GRM8: variants seen among roughly 807,000 people sequenced by gnomAD.
The protein encoded by GRM8 is metabotropic glutamate receptor 8.
Under a neutral mutation model 87.2 loss-of-function variants are expected in GRM8, and 47 were observed. That is an observed-to-expected ratio of 0.54 (90% CI 0.43 to 0.69). The LOEUF (loss-of-function observed/expected upper bound fraction) is 0.69. Ranked by LOEUF, GRM8 falls within the 30% of genes least tolerant of loss-of-function variation. The pLI is 0.00. For synonymous variants in GRM8, 396 were observed against 404.5 expected, an observed-to-expected ratio of 0.98 and a Z score of 0.25; for missense variants, 1,019 against 1,139.2, an observed-to-expected ratio of 0.89 and a Z score of 1.52.
intron 7 of GRM8, among the ~76,000 whole-genome samples, chr7:126,707,534 T>G (rs1810650603): frequency 6.6e-6 from 1 of 152,140 alleles, no homozygotes; most frequent in African/African-American, 2.4e-5. Context: ...TCCTATACTC[T>G]AGGTCTACGC....
chr7:126,987,448 T>A (rs931255528), intron 3 of GRM8, among the ~76,000 whole-genome samples: 1 of 151,754 alleles, frequency 6.6e-6, no homozygotes. Flanking sequence ...GTTCACAGTT[T>A]TTTTTTTTGT....
At chr7:126,734,262 C>A (rs1434231367) in intron 7 of GRM8, among the ~76,000 whole-genome samples, 2 of 151,770 alleles carry the variant, frequency 1.3e-5, no homozygotes, top group Non-Finnish European at 2.9e-5. Context: ...TAAAAAAATT[C>A]CAGTTAAGTG....
chr7:127,203,645 T>C (rs1795738678), intron 2 of GRM8, among the ~76,000 whole-genome samples: 1 of 151,662 alleles, frequency 6.6e-6, no homozygotes, highest in African/African-American at 2.4e-5. Context: ...GAAGTGGAGG[T>C]TGCAGTGATC....
chr7:126,708,959 A>C (rs1410274308), intron 7 of GRM8, among the ~76,000 whole-genome samples: 1 of 152,180 alleles, frequency 6.6e-6, no homozygotes, highest in Non-Finnish European at 1.5e-5. Flanking sequence ...CTCCATAAAA[A>C]GTAGAATTTG....
intron 3 of GRM8, among the ~76,000 whole-genome samples, chr7:126,928,127 C>A (rs1478759155): frequency 6.7e-6 from 1 of 148,378 alleles, no homozygotes; most frequent in Non-Finnish European, 1.5e-5. Context: ...GACAGAAAAC[C>A]AAACACTGCA....
chr7:127,096,989 C>T (rs577276657), intron 3 of GRM8, among the ~76,000 whole-genome samples: 2 of 152,336 alleles, frequency 1.3e-5, no homozygotes, highest in Admixed American at 6.5e-5. Context: ...CCCAGACTCA[C>T]ATTACTAACA....
rs140077376 is a variant in GRM8, at chr7:127,101,176, C to T, written c.727+5320G>A. Among the ~76,000 whole-genome samples, 191 of 152,286 alleles carry T rather than the reference C, an allele frequency of 1.3e-3. 1 individual carries two copies. The highest frequency in any genetic ancestry group is 4.5e-3 in the African/African-American group (187 of 41,548). The stretch of plus-strand genomic sequence containing the variant: ...CCGTTACTAAATTCCATAGACTTCA[C>T]CTCACAAATGACCCCCAAGTCTATC... On this transcript the variant is annotated intron_variant, in intron 3 of 10. Transcript: ENST00000339582.
At chr7:126,585,552 G>A (rs761476986) in intron 8 of GRM8, among the ~76,000 whole-genome samples, 24 of 151,978 alleles carry the variant, frequency 1.6e-4, no homozygotes, top group African/African-American at 5.1e-4. Context: ...ACATAATCCC[G>A]CATATAAACA....
intron 6 of GRM8, among the ~76,000 whole-genome samples, chr7:126,864,724 C>G (rs1404805980): frequency 6.6e-6 from 1 of 152,032 alleles, no homozygotes; most frequent in Non-Finnish European, 1.5e-5. Context: ...CAGACTGATT[C>G]ATTTTCTGAT....
intron 9 of GRM8, among the ~76,000 whole-genome samples, chr7:126,489,924 C>A (rs2150634530): frequency 6.6e-6 from 1 of 152,092 alleles, no homozygotes; most frequent in Middle Eastern, 3.4e-3. Flanking sequence ...CTCCCCCTCC[C>A]CCACCAGAGC....
intron 7 of GRM8, among the ~76,000 whole-genome samples, chr7:126,610,235 C>T (rs1372859023): frequency 6.6e-6 from 1 of 152,278 alleles, no homozygotes; most frequent in South Asian, 2.1e-4. Flanking sequence ...CTCTTATTAA[C>T]TTTTATGTAA....
intron 3 of GRM8, among the ~76,000 whole-genome samples, chr7:127,086,714 C>T (rs954054393): frequency 2.0e-5 from 3 of 152,164 alleles, no homozygotes; most frequent in Non-Finnish European, 2.9e-5. Flanking sequence ...CTGTTGTGTC[C>T]GTCTCCAGTG....
intron 3 of GRM8, among the ~76,000 whole-genome samples, chr7:126,951,597 C>T (rs1182056465): frequency 1.3e-5 from 2 of 151,956 alleles, no homozygotes; most frequent in African/African-American, 4.8e-5. Flanking sequence ...TACCATGAAG[C>T]TAAAGACAAA....
chr7:127,187,810 C>T (rs1794817786), intron 2 of GRM8, among the ~76,000 whole-genome samples: 1 of 152,202 alleles, frequency 6.6e-6, no homozygotes, highest in Admixed American at 6.5e-5. Flanking sequence ...ATCTTTATAT[C>T]ATCTTCCTGT....
chr7:126,449,580 T>C (rs1312986098), intron 9 of GRM8, among the ~76,000 whole-genome samples: 2 of 151,828 alleles, frequency 1.3e-5, no homozygotes, highest in African/African-American at 2.4e-5. Context: ...GCTCTGACTA[T>C]ACGATGTTGA....
intron 9 of GRM8, among the ~76,000 whole-genome samples, chr7:126,482,252 T>C (rs1047223214): frequency 6.6e-6 from 1 of 151,950 alleles, no homozygotes; most frequent in African/African-American, 2.4e-5. Flanking sequence ...CAGTTCCTCA[T>C]AAAATTAAAA....
chr7:126,674,864 G>A (rs889194723), intron 7 of GRM8, among the ~76,000 whole-genome samples: 10 of 152,132 alleles, frequency 6.6e-5, no homozygotes, highest in Non-Finnish European at 1.3e-4. Context: ...CACATTTCTC[G>A]TTAGAGAGCT....
At chr7:127,056,930 G>A (rs1014915738) in intron 3 of GRM8, among the ~76,000 whole-genome samples, 9 of 152,088 alleles carry the variant, frequency 5.9e-5, no homozygotes, top group Non-Finnish European at 1.0e-4. Context: ...AAACAACAAA[G>A]CAATCTCCTC....
chr7:126,788,668 C>T (rs1820945918), intron 6 of GRM8, among the ~76,000 whole-genome samples: 1 of 151,504 alleles, frequency 6.6e-6, no homozygotes, highest in Non-Finnish European at 1.5e-5. Context: ...TCTATCATAA[C>T]TTTATAGTTG....
Sources: allele counts gnomAD v4.1 joint callset (sites outside exome capture counted in the v4.1 genomes callset), GRCh38; gene constraint gnomAD v4.1.1; transcripts MANE v1.5; gene names NCBI Gene and HGNC (gene_info 2026-07-23, HGNC 2026-07-21).